CADM2: variants seen among roughly 807,000 people sequenced by gnomAD.
The protein encoded by CADM2 is cell adhesion molecule 2, also known as immunoglobulin superfamily member 4D.
CADM2 carries 12 observed loss-of-function variants against 49.8 expected under a neutral mutation model. The observed-to-expected ratio is 0.24, with a 90% confidence interval of 0.15 to 0.39. The LOEUF (loss-of-function observed/expected upper bound fraction) is 0.39, where lower values mean the gene tolerates loss of function less well. CADM2 is among the 10% of genes least tolerant of loss of function. CADM2 has a pLI of 1.00. For missense variants in CADM2, 378 were observed against 492.3 expected (o/e 0.77, Z 2.20); for synonymous variants, 214 against 175.4 (o/e 1.22, Z -1.74).
At chr3:84,989,419 T>C (rs577524655) in intron 1 of CADM2, among the ~76,000 whole-genome samples, 2 of 152,252 alleles carry the variant, frequency 1.3e-5, no homozygotes, top group East Asian at 3.9e-4. Context: ...TCAAAATTAA[T>C]ATATTCTGTA....
At chr3:85,971,162 T>C (rs1726075546) in intron 8 of CADM2, among the ~76,000 whole-genome samples, 1 of 151,566 alleles carries the variant, frequency 6.6e-6, no homozygotes, top group South Asian at 2.1e-4. Flanking sequence ...AATTAGAGAA[T>C]AGGAGGCAAC....
chr3:85,536,385 C>T (rs945504718), intron 1 of CADM2, among the ~76,000 whole-genome samples: 1 of 144,946 alleles, frequency 6.9e-6, no homozygotes, highest in Non-Finnish European at 1.6e-5. Context: ...CTAAATATTC[C>T]TTTTTCTAAA....
chr3:85,890,961 T>C (rs148841868), intron 5 of CADM2, among the ~76,000 whole-genome samples: 290 of 152,314 alleles, frequency 1.9e-3, no homozygotes, highest in African/African-American at 6.3e-3. Context: ...AGTTATGTCA[T>C]GAAAGAGCTT....
chr3:85,282,547 C>G (rs1442855951), intron 1 of CADM2, among the ~76,000 whole-genome samples: 1 of 150,442 alleles, frequency 6.6e-6, no homozygotes. Context: ...GCTGTGATTA[C>G]AGGGGTGATC....
intron 1 of CADM2, among the ~76,000 whole-genome samples, chr3:85,143,256 A>G (rs2039632064): frequency 6.6e-6 from 1 of 152,114 alleles, no homozygotes; most frequent in South Asian, 2.1e-4. Flanking sequence ...GCCAAGACAG[A>G]AGGATTGCTT....
intron 1 of CADM2, among the ~76,000 whole-genome samples, chr3:85,340,576 A>C (rs1265571922): frequency 1.3e-5 from 2 of 151,580 alleles, no homozygotes; most frequent in Non-Finnish European, 3.0e-5. Flanking sequence ...GGTGTTTGCT[A>C]TATATTTTGA....
chr3:85,182,644 A>G (rs114478915), intron 1 of CADM2, among the ~76,000 whole-genome samples: 4,215 of 152,222 alleles, frequency 0.028, 180 homozygotes, highest in African/African-American at 0.095. Context: ...TACTATCATT[A>G]TGTAAAAAGC....
Position 85,648,918 on chromosome 3 carries a change from C to T in CADM2, c.62-77604C>T, listed in dbSNP as rs922753529. On this transcript the variant is annotated intron_variant, in intron 1 of 9. Coordinates refer to ENST00000383699, the MANE Select transcript of CADM2 (RefSeq NM_001167675.2). ...CATCAAAATACTTCTCCTTTTTTTT[C>T]CTCCCACAGTGGATTTAATGCCATG... 8.6e-5 allele frequency among the ~76,000 whole-genome samples: 13 copies of T among 150,914 alleles called. 1 individual carries two copies. Among genetic ancestry groups the T allele is most frequent in the Admixed American group, 5.3e-4 (8 of 15,214 alleles).
chr3:85,997,700 C>T (rs765227307), intron 8 of CADM2, among the ~76,000 whole-genome samples: 1 of 152,054 alleles, frequency 6.6e-6, no homozygotes, highest in Non-Finnish European at 1.5e-5. Flanking sequence ...TTCACGTTTC[C>T]TACACAATTC....
At chr3:85,202,303 C>A (rs2041524655) in intron 1 of CADM2, among the ~76,000 whole-genome samples, 1 of 151,852 alleles carries the variant, frequency 6.6e-6, no homozygotes, top group South Asian at 2.1e-4. Flanking sequence ...TTACTTTGAC[C>A]AGATTTATCA....
chr3:85,403,079 G>A (rs781413891), intron 1 of CADM2, among the ~76,000 whole-genome samples: 1 of 152,002 alleles, frequency 6.6e-6, no homozygotes, highest in Non-Finnish European at 1.5e-5. Flanking sequence ...GGTATTAATA[G>A]TATTTTTGTT....
At chr3:85,472,180 C>A (rs891700451) in intron 1 of CADM2, among the ~76,000 whole-genome samples, 1 of 151,690 alleles carries the variant, frequency 6.6e-6, no homozygotes, top group Non-Finnish European at 1.5e-5. Context: ...CTCAAAAATT[C>A]TTTTTTACTT....
chr3:85,031,670 A>G (rs946729446), intron 1 of CADM2, among the ~76,000 whole-genome samples: 6 of 151,124 alleles, frequency 4.0e-5, no homozygotes, highest in South Asian at 4.2e-4. Flanking sequence ...ACACGCCACC[A>G]CGCCCGGCTA....
chr3:85,144,207 A>G lies in CADM2; in HGVS notation c.61+184539A>G, dbSNP rs548922956. Among the ~76,000 whole-genome samples, 345 of 151,594 alleles carry G rather than the reference A, an allele frequency of 2.3e-3. 1 individual carries two copies. The highest frequency in any genetic ancestry group is 3.8e-3 in the Non-Finnish European group (258 of 67,944). On this transcript the variant is annotated intron_variant, in intron 1 of 9. Transcript: ENST00000383699. Reference sequence around the variant, plus strand: ...ACCCTGCTTACCAGCTTTATTTTCTATGAAACTTATCACCATCTAAAGTAT... The same window carrying G: ...ACCCTGCTTACCAGCTTTATTTTCTGTGAAACTTATCACCATCTAAAGTAT...
chr3:85,135,800 T>G (rs1350600675), intron 1 of CADM2, among the ~76,000 whole-genome samples: 4 of 152,030 alleles, frequency 2.6e-5, no homozygotes, highest in South Asian at 2.1e-4. Flanking sequence ...TTTTTATACT[T>G]TCATCAGTAG....
At chr3:85,456,904 GT>G (rs2038017476) in intron 1 of CADM2, among the ~76,000 whole-genome samples, 1 of 150,340 alleles carries the variant, frequency 6.7e-6, no homozygotes, top group African/African-American at 2.5e-5. Flanking sequence ...TTGTCAGGCT[GT>G]TTAATGAAAA....
chr3:85,669,304 T>C (rs775369742), intron 1 of CADM2, among the ~76,000 whole-genome samples: 6 of 152,128 alleles, frequency 3.9e-5, no homozygotes, highest in Non-Finnish European at 8.8e-5. Context: ...AACAATTATC[T>C]GTGACATCAT....
chr3:86,016,728 T>C (rs1253982435), intron 8 of CADM2, among the ~76,000 whole-genome samples: 4 of 151,904 alleles, frequency 2.6e-5, no homozygotes, highest in African/African-American at 7.2e-5. Context: ...TATGATAATG[T>C]TAACACTTAG....
chr3:85,618,760 AT>A (rs1390976965), intron 1 of CADM2, among the ~76,000 whole-genome samples: 1 of 152,122 alleles, frequency 6.6e-6, no homozygotes. Flanking sequence ...TTTATCATAA[AT>A]TTAAATTCTA....
Sources: gnomAD v4.1 joint callset for allele counts (sites outside exome capture counted in the v4.1 genomes callset) on GRCh38, gnomAD v4.1.1 for gene constraint, MANE v1.5 for transcripts, NCBI Gene and HGNC (gene_info 2026-07-23, HGNC 2026-07-21) for gene names.